Variants in LOXHD1 observed in about 807,000 individuals in gnomAD.
LOXHD1 encodes lipoxygenase homology PLAT domains 1.
A neutral mutation model predicts 248.2 loss-of-function variants in LOXHD1; 205 were observed. The observed-to-expected ratio is 0.83, with a 90% CI of 0.74 to 0.93. The LOEUF is 0.93. Ranked by LOEUF, LOXHD1 falls within the 40% of genes least tolerant of loss-of-function variation. The pLI is 0.00. For missense variants in LOXHD1, 2,930 were observed against 2,971.6 expected (o/e 0.99, Z 0.33); for synonymous variants, 1,113 against 1,162.8 (o/e 0.96, Z 0.87).
At chr18:46,596,337 G>T (rs1009324752) in intron 8 of LOXHD1, among the ~76,000 whole-genome samples, 1 of 152,152 alleles carries the variant, frequency 6.6e-6, no homozygotes, top group Admixed American at 6.5e-5. Context: ...TTACAGAGAA[G>T]CCATAAGAAC....
chr18:46,530,964 G>A (rs941632537), intron 28 of LOXHD1, among the ~76,000 whole-genome samples: 3 of 152,020 alleles, frequency 2.0e-5, no homozygotes, highest in East Asian at 1.9e-4. Context: ...CCTTTGCTTC[G>A]GATCCGCACA....
At chr18:46,654,138 T>G (rs757392167) in intron 1 of LOXHD1, among the ~76,000 whole-genome samples, 1 of 152,204 alleles carries the variant, frequency 6.6e-6, no homozygotes, top group African/African-American at 2.4e-5. Flanking sequence ...TATTGCCATG[T>G]GGGAACACAG....
rs574591343 is a variant in LOXHD1 at position 46,529,447 on chromosome 18, G to A, written c.4376-116C>T. 9.4e-6 allele frequency: 11 copies of A among 1,171,118 alleles called. No individual in the cohort carries two copies. In the East Asian group the frequency reaches 2.4e-4, roughly 25 times the overall value. The allele number at this position is 1,171,118 out of a possible 1,614,324, so 72.5% of individuals were successfully genotyped here. A position where few individuals can be genotyped will look rare whatever the true frequency, so the allele number is the denominator to read the frequency against. ...TAAGCTTCTGGCCTAGGCCTCAAGG[G>A]GTTAATGCCTTCCTTTTGTTTGCTC... On this transcript the variant is annotated intron_variant, in intron 28 of 40. Transcript: ENST00000642948.
intron 37 of LOXHD1, among the ~76,000 whole-genome samples, chr18:46,493,043 T>C (rs1234271683): frequency 6.6e-6 from 1 of 152,236 alleles, no homozygotes; most frequent in Non-Finnish European, 1.5e-5. Context: ...CAAGGACTAT[T>C]AGGATTGACA....
chr18:46,563,890 G>A (rs2037581533), intron 17 of LOXHD1, among the ~76,000 whole-genome samples: 1 of 152,256 alleles, frequency 6.6e-6, no homozygotes, highest in African/African-American at 2.4e-5. Context: ...GGCAGCCCTA[G>A]CACAGTAATG....
intron 34 of LOXHD1, among the ~76,000 whole-genome samples, chr18:46,516,183 C>G (rs945521355): frequency 1.3e-5 from 2 of 152,154 alleles, no homozygotes; most frequent in Admixed American, 6.6e-5. Context: ...TGCTGTATAA[C>G]CTTGGGCAAG....
chr18:46,645,059 T>C (rs1413596595), intron 2 of LOXHD1, among the ~76,000 whole-genome samples: 1 of 152,034 alleles, frequency 6.6e-6, no homozygotes, highest in Non-Finnish European at 1.5e-5. Flanking sequence ...GAGGAAAGAG[T>C]GGCAGAGGCA....
At chr18:46,540,948 T>C (rs2036534708) in intron 25 of LOXHD1, among the ~76,000 whole-genome samples, 1 of 152,240 alleles carries the variant, frequency 6.6e-6, no homozygotes, top group South Asian at 2.1e-4. Context: ...TGTTCATCAC[T>C]GATACATGCT....
At chr18:46,526,886 A>T (rs1470859542) in intron 29 of LOXHD1, among the ~76,000 whole-genome samples, 1 of 152,112 alleles carries the variant, frequency 6.6e-6, no homozygotes. Context: ...AATTGATTGG[A>T]TGTGGGTGGG....
chr18:46,636,139 C>T lies in LOXHD1; in HGVS notation c.511+3477G>A, dbSNP rs138745932. ...CTTCTGCCTCCTTCCCTTGAAACCT[C>T]CTGTCTGTCTTTCATCATCTCTACC... On this transcript the variant is annotated intron_variant, in intron 4 of 40. Coordinates refer to ENST00000642948, the MANE Select transcript of LOXHD1 (RefSeq NM_001384474.1). Among the ~76,000 whole-genome samples, 157 of 152,316 alleles carry T rather than the reference C, an allele frequency of 1.0e-3. 1 individual carries two copies. In the East Asian group the frequency reaches 0.027, roughly 26 times the overall value.
rs969644369 is a variant in LOXHD1, at chr18:46,521,136, G to A, written c.5232C>T (p.Phe1744=). ...DRGDGITSRV[F]DLLDAMVVNI... ...TCACCACCATGGCATCCAAGAGGTC[G>A]AAGACACGGGAGGTGATGCCGTCGC... Residue 1744 remains phenylalanine, a synonymous_variant, in exon 33 of 41, where the codon TTC becomes TTT. Transcript: ENST00000642948. The A allele has an allele frequency of 2.3e-5, 36 of 1,551,582 alleles. No individual in the cohort carries two copies. Among genetic ancestry groups the A allele is most frequent in the Non-Finnish European group, 3.1e-5 (35 of 1,147,004 alleles).
At chr18:46,581,799 A>T (rs1244748789) in intron 12 of LOXHD1, among the ~76,000 whole-genome samples, 3 of 152,226 alleles carry the variant, frequency 2.0e-5, no homozygotes, top group African/African-American at 7.2e-5. Flanking sequence ...TCTTGAAAGG[A>T]GTAGCACAAA....
chr18:46,589,931 A>G (rs2038134622), intron 12 of LOXHD1, among the ~76,000 whole-genome samples: 1 of 152,214 alleles, frequency 6.6e-6, no homozygotes, highest in African/African-American at 2.4e-5. Context: ...CATTCTGGAC[A>G]TTACAAATTA....
chr18:46,510,696 G>T (rs149342621), intron 34 of LOXHD1, among the ~76,000 whole-genome samples: 1 of 152,134 alleles, frequency 6.6e-6, no homozygotes, highest in Non-Finnish European at 1.5e-5. Context: ...AGCTGATGGC[G>T]GCTGAGACTT....
intron 1 of LOXHD1, among the ~76,000 whole-genome samples, chr18:46,653,525 G>A (rs1356342227): frequency 6.6e-6 from 1 of 152,154 alleles, no homozygotes; most frequent in Non-Finnish European, 1.5e-5. Context: ...ACCTTGTGGA[G>A]GACACAGAAT....
chr18:46,537,826 G>T (rs1161065237), intron 26 of LOXHD1, among the ~76,000 whole-genome samples: 1 of 152,212 alleles, frequency 6.6e-6, no homozygotes, highest in Non-Finnish European at 1.5e-5. Flanking sequence ...CAACCAGCAA[G>T]TCTGGGAGCT....
At chr18:46,545,202 C>T in intron 23 of LOXHD1, 115 bp downstream of exon 23, 1 of 752,814 alleles carries the variant, frequency 1.3e-6, no homozygotes, top group Non-Finnish European at 2.3e-6. Flanking sequence ...TAATTGCTTG[C>T]ATCCTATTGA....
chr18:46,624,985 T>C (rs1277125461), intron 4 of LOXHD1, among the ~76,000 whole-genome samples: 1 of 152,144 alleles, frequency 6.6e-6, no homozygotes, highest in East Asian at 1.9e-4. Flanking sequence ...TCACATCGTT[T>C]AATCCTCACA....
intron 18 of LOXHD1, among the ~76,000 whole-genome samples, chr18:46,561,963 C>G (rs1378048113): frequency 6.6e-6 from 1 of 152,206 alleles, no homozygotes; most frequent in Admixed American, 6.5e-5. Context: ...ACCACCACAT[C>G]CAGTAAATTG....
Sources: gnomAD v4.1 joint callset for allele counts (sites outside exome capture counted in the v4.1 genomes callset) on GRCh38, gnomAD v4.1.1 for gene constraint, MANE v1.5 for transcripts, NCBI Gene and HGNC (gene_info 2026-07-23, HGNC 2026-07-21) for gene names.